The following P2RY6 variants were observed in gnomAD, a reference collection of about 807,000 sequenced individuals.
The protein encoded by P2RY6 is P2Y purinoceptor 6.
P2RY6 carries 19 observed loss-of-function variants against 16.3 expected under a neutral mutation model. The ratio of observed to expected loss-of-function variants is 1.16; its 90% confidence interval spans 0.81 to 1.71. The LOEUF is 1.71. Ranked by LOEUF, P2RY6 falls within the 40% of genes most tolerant of loss-of-function variation. The probability of loss-of-function intolerance (pLI) is 0.00; values close to 1 mark genes in which losing one functional copy is unlikely to be tolerated. For synonymous variants in P2RY6, 184 were observed against 201.5 expected, an observed-to-expected ratio of 0.91 and a Z score of 0.74; for missense variants, 389 against 455.5, an observed-to-expected ratio of 0.85 and a Z score of 1.33.
chr11:73,267,152 A>G (rs990750954), intron 1 of P2RY6, among the ~76,000 whole-genome samples: 10 of 152,144 alleles, frequency 6.6e-5, no homozygotes, highest in Admixed American at 3.3e-4. Context: ...TCTGGCTCCA[A>G]TGTTGGAGGA....
chr11:73,285,082 C>A (rs891169172), intron 1 of P2RY6, among the ~76,000 whole-genome samples: 2 of 152,104 alleles, frequency 1.3e-5, no homozygotes, highest in African/African-American at 4.8e-5. Context: ...TCCTACGTCC[C>A]TTTTTTGAGA....
At chr11:73,269,262 G>A (rs996786944), upstream of P2RY6, among the ~76,000 whole-genome samples, 39 of 152,164 alleles carry the variant, frequency 2.6e-4, no homozygotes, top group African/African-American at 2.4e-4. Flanking sequence ...CACAGGCAAC[G>A]GAGGGTCTAA....
At chr11:73,276,006 G>T (rs2135702511) in intron 1 of P2RY6, among the ~76,000 whole-genome samples, 1 of 152,294 alleles carries the variant, frequency 6.6e-6, no homozygotes, top group South Asian at 2.1e-4. Flanking sequence ...ATGCAGAGGG[G>T]ATCAAACCTA....
Position 73,297,828 on chromosome 11 carries a change from T to C in P2RY6, c.*323T>C. The C allele has an allele frequency of 3.2e-6, 1 of 311,274 alleles. No homozygotes were observed. Among genetic ancestry groups the C allele is most frequent in the Non-Finnish European group, 6.3e-6 (1 of 159,206 alleles). The allele number at this position is 311,274 out of a possible 1,614,324, so 19.3% of individuals were successfully genotyped here. On this transcript the variant is annotated 3_prime_UTR_variant, in exon 3 of 3. Transcript: ENST00000540124. ...TCATCAAGGGGTATGCTCCATGCTT[T>C]GAGTCACCAATGAAGCGGGTGAGGG...
At chr11:73,287,915 CG>C (rs1432021500) in intron 1 of P2RY6, among the ~76,000 whole-genome samples, 1 of 152,178 alleles carries the variant, frequency 6.6e-6, no homozygotes. Flanking sequence ...CTCTGCTCAC[CG>C]GGGGCTGCCC....
chr11:73,264,961 A>T (rs1169103611), intron 1 of P2RY6, among the ~76,000 whole-genome samples: 2 of 152,254 alleles, frequency 1.3e-5, no homozygotes, highest in Admixed American at 1.3e-4. Context: ...TCTGCCTGCA[A>T]GAAGTGTGCA....
intron 1 of P2RY6, among the ~76,000 whole-genome samples, chr11:73,280,678 C>CAAT (rs1332082602): frequency 6.6e-6 from 1 of 152,164 alleles, no homozygotes; most frequent in Non-Finnish European, 1.5e-5. Context: ...CCTGAGTTTA[C>CAAT]AATGGGAGTT....
chr11:73,294,214 G>A (rs1864385601), intron 1 of P2RY6, among the ~76,000 whole-genome samples: 1 of 152,120 alleles, frequency 6.6e-6, no homozygotes, highest in Admixed American at 6.5e-5. Flanking sequence ...CAACCACCCA[G>A]GCCTTGCTCT....
upstream of P2RY6, chr11:73,271,501 T>TA: frequency 6.6e-6 from 1 of 151,826 alleles, no homozygotes; most frequent in Non-Finnish European, 1.5e-5. Flanking sequence ...AGCCAGGGGG[T>TA]ACATGATAGG....
At chr11:73,283,556 G>A (rs544862446) in intron 1 of P2RY6, among the ~76,000 whole-genome samples, 3 of 152,266 alleles carry the variant, frequency 2.0e-5, no homozygotes, top group East Asian at 3.9e-4. Context: ...TTTTCTCCCC[G>A]AGGCCTGTGT....
chr11:73,296,139 A>G (rs1460679491), intron 2 of P2RY6, among the ~76,000 whole-genome samples: 1 of 151,816 alleles, frequency 6.6e-6, no homozygotes, highest in African/African-American at 2.4e-5. Context: ...TTCAAACCCA[A>G]GTCCATCAAT....
chr11:73,275,281 C>T lies in P2RY6; in HGVS notation c.-121+2815C>T, dbSNP rs186365750. On this transcript the variant is annotated intron_variant, in intron 1 of 2. Transcript: ENST00000540124. The stretch of plus-strand genomic sequence containing the variant: ...CAGTGCCGGTTTTCATGGCCTGGGA[C>T]GGAGTGGTGGCTGTCCTGTGGTACC... Among the ~76,000 whole-genome samples, 24 of 152,300 alleles carry T rather than the reference C, an allele frequency of 1.6e-4. No individual in the cohort carries two copies. In the East Asian group the frequency reaches 2.1e-3, roughly 13 times the overall value.
intron 1 of P2RY6, among the ~76,000 whole-genome samples, chr11:73,286,148 T>A (rs1462268945): frequency 6.6e-6 from 1 of 152,170 alleles, no homozygotes; most frequent in Non-Finnish European, 1.5e-5. Flanking sequence ...CTGGGTCAGG[T>A]GACCTTAAGG....
At chr11:73,288,185 C>T (rs766213186) in intron 1 of P2RY6, among the ~76,000 whole-genome samples, 11 of 152,218 alleles carry the variant, frequency 7.2e-5, no homozygotes, top group Non-Finnish European at 1.3e-4. Flanking sequence ...CGTTAGTGCT[C>T]AATGAATACA....
rs1864569222 is a variant in P2RY6, at chr11:73,297,605, G to A, written c.*100G>A. ...ATGCGGAGAATTAGAGTTCAGCTCA[G>A]CTGGGCATGGAGTTAAGATCCCTCA... On this transcript the variant is annotated 3_prime_UTR_variant, in exon 3 of 3. Coordinates refer to ENST00000540124, the MANE Select transcript of P2RY6 (RefSeq NM_001277204.2). The A allele has an allele frequency of 1.1e-6, 1 of 937,512 alleles. No individual in the cohort carries two copies. Among genetic ancestry groups the A allele is most frequent in the African/African-American group, 1.7e-5 (1 of 60,012 alleles). The allele number at this position is 937,512 out of a possible 1,614,324, so 58.1% of individuals were successfully genotyped here.
intron 1 of P2RY6, among the ~76,000 whole-genome samples, chr11:73,290,311 G>GAAAGAAAGAAAGAAAGA (rs1554991108): frequency 5.9e-5 from 4 of 67,466 alleles, no homozygotes; most frequent in Non-Finnish European, 1.3e-4. Context: ...AGAAAAGAAA[G>GAAAGAAAGAAAGAAAGA]AAAGAAAGAA....
At chr11:73,294,949 T>A (rs1272338998) in intron 1 of P2RY6, among the ~76,000 whole-genome samples, 1 of 152,206 alleles carries the variant, frequency 6.6e-6, no homozygotes, top group Non-Finnish European at 1.5e-5. Flanking sequence ...AACCTGAGCA[T>A]CTGGATCAGA....
At chr11:73,296,114 A>AT (rs1283727240) in intron 2 of P2RY6, among the ~76,000 whole-genome samples, 1 of 152,006 alleles carries the variant, frequency 6.6e-6, no homozygotes, top group Non-Finnish European at 1.5e-5. Flanking sequence ...TAGCAAATGC[A>AT]TAACAGAGTT....
chr11:73,288,448 G>C (rs985382942), intron 1 of P2RY6, among the ~76,000 whole-genome samples: 1 of 152,296 alleles, frequency 6.6e-6, no homozygotes, highest in African/African-American at 2.4e-5. Context: ...AGTGGGAAAG[G>C]AGTAGAAAAA....
Sources: gnomAD v4.1 joint callset for allele counts (sites outside exome capture counted in the v4.1 genomes callset) on GRCh38, gnomAD v4.1.1 for gene constraint, MANE v1.5 for transcripts, NCBI Gene and HGNC (gene_info 2026-07-23, HGNC 2026-07-21) for gene names.